FAAH2: variants seen among roughly 807,000 people sequenced by gnomAD.
The protein encoded by FAAH2 is fatty acid amide hydrolase 2.
A neutral mutation model predicts 36.9 loss-of-function variants in FAAH2; 60 were observed. The observed-to-expected ratio is 1.63, with a 90% confidence interval of 1.32 to 2.02. The LOEUF (loss-of-function observed/expected upper bound fraction) is 2.02, where lower values mean the gene tolerates loss of function less well. Ranked by LOEUF, FAAH2 falls within the 30% of genes most tolerant of loss-of-function variation. The pLI is 0.00. For missense variants in FAAH2, 689 were observed against 397.5 expected, an observed-to-expected ratio of 1.73 and a Z score of -6.23; for synonymous variants, 214 against 143.8, an observed-to-expected ratio of 1.49 and a Z score of -3.49.
intron 2 of FAAH2, among the ~76,000 whole-genome samples, chrX:57,300,751 T>A (rs1392943720): frequency 9.0e-6 from 1 of 111,051 alleles, no homozygotes; most frequent in South Asian, 3.8e-4. Flanking sequence ...AGTGAACTCA[T>A]ACAAATTTAC....
At chrX:57,230,416 G>T in the FAAH2 span, among the ~76,000 whole-genome samples, 1 of 111,744 alleles carries the variant, frequency 8.9e-6, no homozygotes, top group East Asian at 2.8e-4. Flanking sequence ...TTTCTTCAAG[G>T]CTTTATGTAT....
At chrX:57,333,238 C>T (rs1161117742) in intron 4 of FAAH2, among the ~76,000 whole-genome samples, 2 of 111,519 alleles carry the variant, frequency 1.8e-5, no homozygotes, top group East Asian at 5.6e-4. Context: ...AAATTTTACA[C>T]CTGACACCTA....
chrX:57,214,550 C>G, the FAAH2 span, among the ~76,000 whole-genome samples: 2 of 111,477 alleles, frequency 1.8e-5, no homozygotes, highest in African/African-American at 6.5e-5. Flanking sequence ...CCTCAGCCTC[C>G]TGAGTAGCTG....
the FAAH2 span, among the ~76,000 whole-genome samples, chrX:57,264,790 C>T: frequency 8.9e-6 from 1 of 112,488 alleles, no homozygotes; most frequent in African/African-American, 3.2e-5. Flanking sequence ...ACCAAATACC[C>T]ACCAATGGTA....
intron 5 of FAAH2, among the ~76,000 whole-genome samples, chrX:57,361,731 G>T (rs1369281208): frequency 9.0e-6 from 1 of 111,471 alleles, no homozygotes; most frequent in East Asian, 2.8e-4. Context: ...GAATGTCCAT[G>T]AAATGATGAG....
At chrX:57,436,090 G>T (rs1248868235) in intron 8 of FAAH2, among the ~76,000 whole-genome samples, 1 of 110,927 alleles carries the variant, frequency 9.0e-6, no homozygotes, top group Non-Finnish European at 1.9e-5. Context: ...CAAATACATG[G>T]AAATCAAACA....
At chrX:57,160,682 T>C in the FAAH2 span, among the ~76,000 whole-genome samples, 1 of 112,251 alleles carries the variant, frequency 8.9e-6, no homozygotes, top group Non-Finnish European at 1.9e-5. Flanking sequence ...GGATCGGTAG[T>C]GATATCCCCT....
intron 7 of FAAH2, among the ~76,000 whole-genome samples, chrX:57,413,683 C>T (rs7049727): frequency 8.9e-6 from 1 of 111,898 alleles, no homozygotes; most frequent in African/African-American, 3.3e-5. Context: ...TTAGGATTGT[C>T]TTGACTGTAC....
chrX:57,195,312 A>C, the FAAH2 span, among the ~76,000 whole-genome samples: 1 of 111,530 alleles, frequency 9.0e-6, no homozygotes, highest in African/African-American at 3.3e-5. Context: ...TTCTTGTAGG[A>C]GTAAGACAGC....
rs753590429 is a variant in FAAH2 at position 57,378,693 on chromosome X, C to G, written c.785C>G (p.Ala262Gly). The G allele has an allele frequency of 1.6e-5, 19 of 1,210,972 alleles. No individual in the cohort carries two copies. The highest frequency in any genetic ancestry group is 2.0e-5 in the Non-Finnish European group (18 of 895,126). ...GGTCAGTTTCCCTTGGCTGTGGGAGCCCAGGAGTTGTTTCTGTGCACTGGT... is the reference window on the plus strand; with the variant it reads ...GGTCAGTTTCCCTTGGCTGTGGGAGGCCAGGAGTTGTTTCTGTGCACTGGT... ...NKGQFPLAVG[A>G]QELFLCTGPM... Residue 262 changes from alanine to glycine, a missense_variant, in exon 6 of 11, where the codon GCC becomes GGC. Physicochemically the swap from Ala to Gly is moderately conservative, Grantham distance 60. Coordinates refer to ENST00000374900, the MANE Select transcript of FAAH2 (RefSeq NM_174912.4).
At chrX:57,214,163 T>G in the FAAH2 span, among the ~76,000 whole-genome samples, 1 of 112,272 alleles carries the variant, frequency 8.9e-6, no homozygotes, top group Non-Finnish European at 1.9e-5. Flanking sequence ...AAATAGATTT[T>G]TCCACTTTTA....
intron 2 of FAAH2, among the ~76,000 whole-genome samples, chrX:57,296,454 G>A (rs1293382795): frequency 9.0e-6 from 1 of 111,192 alleles, no homozygotes; most frequent in African/African-American, 3.3e-5. Context: ...CCATCTGTAC[G>A]TCACCATCAT....
the FAAH2 span, among the ~76,000 whole-genome samples, chrX:57,247,583 C>CT: frequency 9.0e-6 from 1 of 111,393 alleles, no homozygotes; most frequent in African/African-American, 3.3e-5. Context: ...ATGATTCATG[C>CT]TTTTTTTATC....
intron 1 of FAAH2, among the ~76,000 whole-genome samples, chrX:57,289,689 A>T (rs1225516685): frequency 9.0e-6 from 1 of 111,594 alleles, no homozygotes; most frequent in African/African-American, 3.3e-5. Context: ...CAGTTTTTAG[A>T]TAAGTAATAA....
chrX:57,122,658 T>C, the FAAH2 span, among the ~76,000 whole-genome samples: 1 of 112,154 alleles, frequency 8.9e-6, no homozygotes, highest in African/African-American at 3.2e-5. Flanking sequence ...CAAAATAAAA[T>C]TGAACAGAAA....
chrX:57,164,910 C>T, the FAAH2 span, among the ~76,000 whole-genome samples: 5 of 112,044 alleles, frequency 4.5e-5, no homozygotes, highest in Admixed American at 4.7e-4. Flanking sequence ...GAATTAACAC[C>T]ATTCCCAAAT....
chrX:57,361,257 C>T (rs960225800), intron 5 of FAAH2, among the ~76,000 whole-genome samples: 12 of 110,951 alleles, frequency 1.1e-4, no homozygotes, highest in Admixed American at 7.7e-4. Flanking sequence ...TATGTAAATA[C>T]TTTTTTTTAG....
intron 10 of FAAH2, 121 bp from the exon 11 acceptor site, chrX:57,488,636 C>G (rs971474188): frequency 2.9e-6 from 2 of 697,366 alleles, no homozygotes; most frequent in African/African-American, 4.4e-5. Context: ...TTATTAAGTC[C>G]TAAGTAGATA....
intron 3 of FAAH2, among the ~76,000 whole-genome samples, chrX:57,330,297 G>T (rs993450821): frequency 3.6e-5 from 4 of 111,486 alleles, no homozygotes; most frequent in African/African-American, 9.8e-5. Flanking sequence ...AAATGGCCCC[G>T]TTGGGTGTGG....
Sources: gnomAD v4.1 joint callset for allele counts (sites outside exome capture counted in the v4.1 genomes callset) on GRCh38, gnomAD v4.1.1 for gene constraint, MANE v1.5 for transcripts, NCBI Gene and HGNC (gene_info 2026-07-23, HGNC 2026-07-21) for gene names.